STEAP2: variants seen among roughly 807,000 people sequenced by gnomAD.
STEAP2 encodes metalloreductase STEAP2.
A neutral mutation model predicts 46.4 loss-of-function variants in STEAP2; 30 were observed. The ratio of observed to expected loss-of-function variants is 0.65; its 90% CI spans 0.48 to 0.88. STEAP2 has a LOEUF of 0.88. Among genes scored for constraint, STEAP2 ranks in the 40% least tolerant of loss-of-function variants. The pLI, the probability that STEAP2 is intolerant of heterozygous loss-of-function variation, is 0.00. For synonymous variants in STEAP2, 180 were observed against 200.5 expected, an observed-to-expected ratio of 0.90 and a Z score of 0.86; for missense variants, 513 against 579.3, an observed-to-expected ratio of 0.89 and a Z score of 1.18.
At chr7:90,213,660 T>C (rs1477363834) in intron 1 of STEAP2, among the ~76,000 whole-genome samples, 1 of 152,246 alleles carries the variant, frequency 6.6e-6, no homozygotes, top group African/African-American at 2.4e-5. Context: ...TATTGCATCC[T>C]TAGTTACACT....
At chr7:90,224,054 G>A (rs1052715632) in intron 2 of STEAP2, among the ~76,000 whole-genome samples, 2 of 152,166 alleles carry the variant, frequency 1.3e-5, no homozygotes, top group Non-Finnish European at 2.9e-5. Flanking sequence ...GCCTCCAGCA[G>A]CATTTGTGAT....
At chr7:90,229,536 C>A (rs577807976) in intron 4 of STEAP2, among the ~76,000 whole-genome samples, 1 of 152,116 alleles carries the variant, frequency 6.6e-6, no homozygotes, top group East Asian at 1.9e-4. Context: ...CTGTCAGTAA[C>A]TTCTTTTGTG....
rs1795668731 is a variant in STEAP2, at chr7:90,229,928, GTATATCTCC to G, written c.1079_1087del (p.Tyr360_Ser362del). The G allele has an allele frequency of 6.2e-7, 1 of 1,613,528 alleles. No individual in the cohort carries two copies. Among genetic ancestry groups the G allele is most frequent in the African/African-American group, 1.3e-5 (1 of 75,016 alleles). ...AGGAAGAAGTTTGGAGAATTGAAAT[GTATATCTCC>G]TTTGGCATAATGAGCCTTGGCTTAC... On this transcript the variant is annotated inframe_deletion, in exon 5 of 6. Coordinates refer to ENST00000394621, the MANE Select transcript of STEAP2 (RefSeq NM_001244944.2).
At chr7:90,227,627 A>C in intron 4 of STEAP2, 129 bp downstream of exon 4, 3 of 900,060 alleles carry the variant, frequency 3.3e-6, no homozygotes, top group Non-Finnish European at 3.1e-6. Context: ...AGGGGAAAGA[A>C]TTGTTCTTTA....
In STEAP2 at chr7:90,225,044, C is replaced by A; in HGVS notation, c.-33-6C>A. ...ACTGATGACCATTTTATTTTCTCTC[C>A]CCTAGGATATTCTTGGTGATCTTGG... is the stretch of plus-strand genomic sequence containing the variant. On this transcript the variant is annotated splice_region_variant and splice_polypyrimidine_tract_variant and intron_variant, in intron 2 of 5. Transcript: ENST00000394621. The A allele has an allele frequency of 6.3e-7, 1 of 1,594,240 alleles. No individual in the cohort carries two copies. The highest frequency in any genetic ancestry group is 8.5e-7 in the Non-Finnish European group (1 of 1,170,692).
At position 90,237,062 on chromosome 7, in the gene STEAP2, A is replaced by G; in HGVS notation, c.*4438A>G. The G allele has an allele frequency of 1.8e-6, 2 of 1,141,908 alleles. No homozygotes were observed. The highest frequency in any genetic ancestry group is 1.3e-6 in the Non-Finnish European group (1 of 788,312). 70.7% of individuals were successfully genotyped at this position (1,141,908 alleles called of 1,614,324 possible). Reference sequence around the variant, plus strand: ...AGATGAAGTCTCCTCAAAGGAAGGCAGCATGTGTCCTTTTTCATCCCTTCA... The same window carrying G: ...AGATGAAGTCTCCTCAAAGGAAGGCGGCATGTGTCCTTTTTCATCCCTTCA... On this transcript the variant is annotated 3_prime_UTR_variant, in exon 6 of 6. Coordinates refer to ENST00000394621, the MANE Select transcript of STEAP2 (RefSeq NM_001244944.2).
Position 90,227,474 on chromosome 7 carries a change from G to T in STEAP2, c.996G>T (p.Leu332Phe). The T allele has an allele frequency of 6.3e-7, 1 of 1,588,784 alleles. No individual in the cohort carries two copies. Among genetic ancestry groups the T allele is most frequent in the Non-Finnish European group, 8.6e-7 (1 of 1,161,918 alleles). Residue 332 changes from leucine (L) to phenylalanine (F), a missense_variant, in exon 4 of 6, where the codon TTG becomes TTT. By Grantham distance (22) the Leu-to-Phe change is conservative (BLOSUM62 0). Coordinates refer to ENST00000394621, the MANE Select transcript of STEAP2 (RefSeq NM_001244944.2). The part of the protein sequence containing the change: ...CLPMRRSERY[L>F]FLNMAYQQVH... Reference sequence around the variant, plus strand: ...CGATGAGAAGGTCAGAGAGATATTTGTTTCTCAACATGGCTTATCAGCAGG... The same window carrying T: ...CGATGAGAAGGTCAGAGAGATATTTTTTTCTCAACATGGCTTATCAGCAGG...
intron 1 of STEAP2, chr7:90,216,148 A>C (rs1795002101): frequency 1.3e-5 from 2 of 152,220 alleles, no homozygotes; most frequent in Non-Finnish European, 1.5e-5. Flanking sequence ...AGGTATAGAC[A>C]CTGTGGACAT....
chr7:90,231,086 A>ATCACTATACT (rs1399813478), intron 5 of STEAP2, among the ~76,000 whole-genome samples: 2 of 151,924 alleles, frequency 1.3e-5, no homozygotes. Flanking sequence ...TAGACATTAC[A>ATCACTATACT]TCACTATACT....
chr7:90,230,083 C>T, intron 5 of STEAP2, 47 bp downstream of exon 5: 1 of 1,582,972 alleles, frequency 6.3e-7, no homozygotes, highest in Non-Finnish European at 8.6e-7. Flanking sequence ...ATAGGATTTC[C>T]TTGTTAAGAA....
Position 90,233,065 on chromosome 7 carries a change from A to AT in STEAP2, c.*448dup, listed in dbSNP as rs952878644. 4 of 980,642 alleles carry AT rather than the reference A, an allele frequency of 4.1e-6. No individual in the cohort carries two copies. The highest frequency in any genetic ancestry group is 1.1e-4 in the East Asian group (1 of 8,822). 60.7% of individuals were successfully genotyped at this position (980,642 alleles called of 1,614,324 possible). On this transcript the variant is annotated 3_prime_UTR_variant, in exon 6 of 6. Coordinates refer to ENST00000394621, the MANE Select transcript of STEAP2 (RefSeq NM_001244944.2). ...AAAAAGTAGAAATGCATTATTATAC[A>AT]TTTTTTTAAGAAAGGACACGTTATG...
At chr7:90,217,604 C>A (rs1224993485) in intron 2 of STEAP2, among the ~76,000 whole-genome samples, 1 of 149,158 alleles carries the variant, frequency 6.7e-6, no homozygotes, top group East Asian at 2.0e-4. Flanking sequence ...TTTTTTAAGG[C>A]TGAATAATAT....
intron 5 of STEAP2, among the ~76,000 whole-genome samples, chr7:90,231,792 A>C (rs1562813636): frequency 6.6e-6 from 1 of 152,046 alleles, no homozygotes; most frequent in Non-Finnish European, 1.5e-5. Context: ...GAATGTGAAT[A>C]ATTTTTATAA....
intron 5 of STEAP2, among the ~76,000 whole-genome samples, chr7:90,231,396 T>C (rs1383009852): frequency 2.0e-5 from 3 of 151,968 alleles, no homozygotes; most frequent in Non-Finnish European, 4.4e-5. Context: ...TTTTATCATA[T>C]GTCTGTTTAT....
chr7:90,240,241 A>G (rs1346554445), downstream of STEAP2, among the ~76,000 whole-genome samples: 1 of 151,724 alleles, frequency 6.6e-6, no homozygotes, highest in Admixed American at 6.6e-5. The surrounding 1 kb of genome is among the most constrained non-coding windows in gnomAD (Gnocchi z 4.1). Flanking sequence ...AGATCACGCC[A>G]CTGCACCCCA....
downstream of STEAP2, among the ~76,000 whole-genome samples, chr7:90,240,238 G>A (rs1406323878): frequency 6.6e-6 from 1 of 151,420 alleles, no homozygotes; most frequent in Non-Finnish European, 1.5e-5. The surrounding 1 kb of genome is among the most constrained non-coding windows in gnomAD (Gnocchi z 4.1). Flanking sequence ...CAGAGATCAC[G>A]CCACTGCACC....
At chr7:90,218,150 T>G (rs1795107166) in intron 2 of STEAP2, among the ~76,000 whole-genome samples, 2 of 152,210 alleles carry the variant, frequency 1.3e-5, no homozygotes, top group Admixed American at 6.5e-5. Flanking sequence ...GAGTTCCTTG[T>G]ATATTCTGAA....
intron 2 of STEAP2, among the ~76,000 whole-genome samples, chr7:90,219,842 C>T (rs992127300): frequency 7.9e-5 from 12 of 152,260 alleles, no homozygotes; most frequent in Non-Finnish European, 1.5e-4. Context: ...ATTCTTCTGC[C>T]TCAGCTCCCG....
At chr7:90,226,168 G>A (rs1001959127) in intron 3 of STEAP2, among the ~76,000 whole-genome samples, 3 of 152,030 alleles carry the variant, frequency 2.0e-5, no homozygotes, top group African/African-American at 7.2e-5. Context: ...TTAGAACCAG[G>A]ACCTGTGAGA....
Sources: allele counts gnomAD v4.1 joint callset (sites outside exome capture counted in the v4.1 genomes callset), GRCh38; gene constraint gnomAD v4.1.1; non-coding constraint Gnocchi (gnomAD v3.1); transcripts MANE v1.5; gene names NCBI Gene and HGNC (gene_info 2026-07-23, HGNC 2026-07-21).